The following THSD7A variants were observed in gnomAD, a reference collection of about 807,000 sequenced individuals.
The protein encoded by THSD7A is thrombospondin type 1 domain containing 7A.
In THSD7A, 96 loss-of-function variants were observed where a neutral mutation model predicts 231.3. That is an observed-to-expected ratio of 0.41 (90% CI 0.35 to 0.49). THSD7A has a LOEUF of 0.49. THSD7A is among the 20% of genes least tolerant of loss of function. The pLI, the probability that THSD7A is intolerant of heterozygous loss-of-function variation, is 0.05. For missense variants in THSD7A, 2,290 were observed against 2,070.2 expected, an observed-to-expected ratio of 1.11 and a Z score of -2.06; for synonymous variants, 940 against 743.3, an observed-to-expected ratio of 1.26 and a Z score of -4.30.
intron 4 of THSD7A, among the ~76,000 whole-genome samples, chr7:11,556,358 T>C (rs1789844470): frequency 6.6e-6 from 1 of 151,724 alleles, no homozygotes; most frequent in Non-Finnish European, 1.5e-5. Flanking sequence ...CACAGCCTAC[T>C]GATATTTTCA....
At position 11,660,481 on chromosome 7, in the gene THSD7A, A is replaced by C. The variant is rs143138118; in HGVS notation, c.191-23520T>G. ...TTATGCCATATTTTGATGTCATGTGAAATAGAAGTGTAACACCCAAGAAAA... is the reference window on the plus strand; with the variant it reads ...TTATGCCATATTTTGATGTCATGTGCAATAGAAGTGTAACACCCAAGAAAA... On this transcript the variant is annotated intron_variant, in intron 1 of 27. Transcript: ENST00000423059. 4.9e-3 allele frequency among the ~76,000 whole-genome samples: 739 copies of C among 151,584 alleles called. 5 individuals are homozygous for C. The highest frequency in any genetic ancestry group is 0.017 in the African/African-American group (704 of 41,486).
intron 2 of THSD7A, among the ~76,000 whole-genome samples, chr7:11,599,690 T>A (rs554470558): frequency 6.6e-6 from 1 of 152,280 alleles, no homozygotes; most frequent in South Asian, 2.1e-4. Flanking sequence ...TTATGTATCA[T>A]CTCCGGAGAT....
chr7:11,708,546 A>C (rs998458764), intron 1 of THSD7A, among the ~76,000 whole-genome samples: 1 of 150,824 alleles, frequency 6.6e-6, no homozygotes, highest in African/African-American at 2.4e-5. Flanking sequence ...TTGAAAATAA[A>C]TCACTTAATC....
At chr7:11,785,669 A>C (rs74342404) in intron 1 of THSD7A, among the ~76,000 whole-genome samples, 4,919 of 152,194 alleles carry the variant, frequency 0.032, 261 homozygotes, top group African/African-American at 0.11. Flanking sequence ...TATTCAAGAA[A>C]TCCATGATAG....
At chr7:11,426,072 ATT>A (rs954552059) in intron 15 of THSD7A, among the ~76,000 whole-genome samples, 1 of 120,038 alleles carries the variant, frequency 8.3e-6, no homozygotes, top group Non-Finnish European at 1.8e-5. Flanking sequence ...AAAAAAAAAC[ATT>A]AAAAAAAAAA....
chr7:11,785,893 T>C (rs372569408), intron 1 of THSD7A, among the ~76,000 whole-genome samples: 2 of 152,274 alleles, frequency 1.3e-5, no homozygotes, highest in Admixed American at 6.5e-5. Flanking sequence ...GGTTAATTTG[T>C]AATCTTTAAT....
At chr7:11,482,128 A>G (rs1786453347) in intron 6 of THSD7A, 146 bp from the exon 7 acceptor site, 2 of 788,266 alleles carry the variant, frequency 2.5e-6, no homozygotes, top group South Asian at 3.8e-5. Flanking sequence ...ATTGCCTACT[A>G]TAGCCAGATG....
chr7:11,417,554 G>A lies in THSD7A; in HGVS notation c.3433C>T (p.Leu1145Phe). 6.2e-7 allele frequency: 1 copy of A among 1,613,672 alleles called. No homozygotes were observed. The highest frequency in any genetic ancestry group is 8.5e-7 in the Non-Finnish European group (1 of 1,179,758). Residue 1145 changes from leucine to phenylalanine, a missense_variant, in exon 17 of 28, where the codon CTC becomes TTC. By Grantham distance (22) the Leu-to-Phe change is conservative. Coordinates refer to ENST00000423059, the MANE Select transcript of THSD7A (RefSeq NM_015204.3). ...AGGGGCATCTCTTCTGGGTCACAGA[G>A]GTAATCCTCTACATGTTCAGAAGGG... Reference protein sequence around the residue: ...DGPSEHVEDYLCDPEEMPLGS... With the variant: ...DGPSEHVEDYFCDPEEMPLGS...
chr7:11,798,190 G>C (rs998774227), intron 1 of THSD7A, among the ~76,000 whole-genome samples: 4 of 151,916 alleles, frequency 2.6e-5, no homozygotes, highest in African/African-American at 7.3e-5. Flanking sequence ...CATTTATCTG[G>C]TACTTATTAA....
In THSD7A at chr7:11,831,207, C is replaced by T. The variant is rs1785182269; in HGVS notation, c.190+550G>A. Among the ~76,000 whole-genome samples, 1 of 152,180 alleles carries T rather than the reference C, an allele frequency of 6.6e-6. No homozygotes were observed. The highest frequency in any genetic ancestry group is 1.5e-5 in the Non-Finnish European group (1 of 68,040). ...TACACTTTAAAAATCCTCCGACTCG[C>T]TAGTTAATAATTGAGTTTTCAGTCT... On this transcript the variant is annotated intron_variant, in intron 1 of 27. Transcript: ENST00000423059. This position sits in a 1 kb window ranked among gnomAD's most constrained non-coding sequence, Gnocchi z 5.0.
chr7:11,799,591 T>C (rs1784222631), intron 1 of THSD7A, among the ~76,000 whole-genome samples: 1 of 152,234 alleles, frequency 6.6e-6, no homozygotes, highest in Non-Finnish European at 1.5e-5. Context: ...GCCTATGGTA[T>C]AAATTCACTT....
intron 1 of THSD7A, among the ~76,000 whole-genome samples, chr7:11,807,016 T>A (rs946203316): frequency 1.3e-5 from 2 of 152,094 alleles, no homozygotes; most frequent in South Asian, 4.1e-4. Flanking sequence ...ATATATCTCT[T>A]TCTTCTTCTT....
At chr7:11,472,251 C>T (rs1032961470) in intron 8 of THSD7A, among the ~76,000 whole-genome samples, 5 of 152,028 alleles carry the variant, frequency 3.3e-5, no homozygotes, top group Non-Finnish European at 7.4e-5. Context: ...AAATTGATTT[C>T]CCCCCAAATC....
chr7:11,417,514 C>A lies in THSD7A; in HGVS notation c.3473G>T (p.Cys1158Phe). The A allele has an allele frequency of 1.2e-6, 2 of 1,613,732 alleles. No homozygotes were observed. The highest frequency in any genetic ancestry group is 1.7e-6 in the Non-Finnish European group (2 of 1,179,764). Residue 1158 changes from cysteine to phenylalanine, a missense_variant, in exon 17 of 28, where the codon TGC becomes TTC. Transcript: ENST00000423059. Reference sequence around the variant, plus strand: ...ACAGTCCTCAGGGCATGGTAATTTGCACACTCTAGAGCCCAGGGGCATCTC... The same window carrying A: ...ACAGTCCTCAGGGCATGGTAATTTGAACACTCTAGAGCCCAGGGGCATCTC... ...PEEMPLGSRV[C>F]KLPCPEDCVI...
intron 2 of THSD7A, among the ~76,000 whole-genome samples, chr7:11,608,499 G>C (rs545813019): frequency 9.9e-5 from 15 of 152,242 alleles, no homozygotes; most frequent in Non-Finnish European, 1.8e-4. Context: ...CTGTTGACTA[G>C]AACATTGGGT....
In THSD7A at chr7:11,372,846, T is replaced by A. The variant is rs1473492189; in HGVS notation, c.*2948A>T. The A allele has an allele frequency of 6.6e-6, 1 of 152,072 alleles. No homozygotes were observed. The highest frequency in any genetic ancestry group is 2.4e-5 in the African/African-American group (1 of 41,442). 9.4% of individuals were successfully genotyped at this position (152,072 alleles called of 1,614,324 possible). On this transcript the variant is annotated 3_prime_UTR_variant, in exon 28 of 28. Transcript: ENST00000423059. ...AAATATTTAACTCATTATTGTCTCA[T>A]GTCAGAAACAAAAATAAGGCCATTT... is the stretch of plus-strand genomic sequence containing the variant.
intron 6 of THSD7A, among the ~76,000 whole-genome samples, chr7:11,526,858 T>C (rs1033863634): frequency 3.3e-5 from 5 of 152,146 alleles, no homozygotes; most frequent in Non-Finnish European, 4.4e-5. Flanking sequence ...TGGACTAATA[T>C]AGTAAGCAAT....
At chr7:11,587,053 T>A (rs1779938223) in intron 4 of THSD7A, among the ~76,000 whole-genome samples, 1 of 152,168 alleles carries the variant, frequency 6.6e-6, no homozygotes, top group African/African-American at 2.4e-5. Context: ...TTCCCTCACT[T>A]AAAAACATGT....
At chr7:11,529,548 G>A (rs926763913) in intron 6 of THSD7A, among the ~76,000 whole-genome samples, 3 of 152,002 alleles carry the variant, frequency 2.0e-5, no homozygotes, top group African/African-American at 7.3e-5. Context: ...TTGTGATAGT[G>A]AGGGAGTTTT....
Sources: allele counts gnomAD v4.1 joint callset (sites outside exome capture counted in the v4.1 genomes callset), GRCh38; gene constraint gnomAD v4.1.1; non-coding constraint Gnocchi (gnomAD v3.1); transcripts MANE v1.5; gene names NCBI Gene and HGNC (gene_info 2026-07-23, HGNC 2026-07-21).